FAM43A: variants seen among roughly 807,000 people sequenced by gnomAD.
FAM43A encodes the protein protein FAM43A.
FAM43A carries 11 observed loss-of-function variants against 15.7 expected under a neutral mutation model. That is an observed-to-expected ratio of 0.70 (90% CI 0.44 to 1.16). FAM43A has a LOEUF of 1.16. Ranked by LOEUF, FAM43A falls within the 50% of genes most tolerant of loss-of-function variation. The probability of loss-of-function intolerance (pLI) is 0.00; values close to 1 mark genes in which losing one functional copy is unlikely to be tolerated. For synonymous variants in FAM43A, 319 were observed against 291.7 expected (o/e 1.09, Z -0.96); for missense variants, 573 against 620.0 (o/e 0.92, Z 0.80).
rs1484049662 is a variant in FAM43A at position 194,686,748 on chromosome 3, G to A, written c.-79G>A. On this transcript the variant is annotated 5_prime_UTR_variant, in exon 1 of 1. Transcript: ENST00000329759. The stretch of plus-strand genomic sequence containing the variant: ...GATCTTGCCCGGGCCGAGCCTGGCA[G>A]GGGCCGGTGGCTCAGCGGGCCTCGC... 1.5e-6 allele frequency: 2 copies of A among 1,301,528 alleles called. No homozygotes were observed. Among genetic ancestry groups the A allele is most frequent in the African/African-American group, 3.1e-5 (2 of 64,146 alleles). The allele number at this position is 1,301,528 out of a possible 1,614,324, so 80.6% of individuals were successfully genotyped here. A position where few individuals can be genotyped will look rare whatever the true frequency, so the allele number is the denominator to read the frequency against.
chr3:194,687,304 G>A lies in FAM43A; in HGVS notation c.478G>A (p.Glu160Lys). Residue 160 changes from glutamate (E) to lysine (K), a missense_variant, in exon 1 of 1, where the codon GAG becomes AAG. Transcript: ENST00000329759. ...PKVFAWVYRH[E>K]LKHKAVMLRC... ...GGTCTTCGCCTGGGTGTACCGGCAC[G>A]AGCTGAAGCACAAGGCCGTGATGCT... is the stretch of plus-strand genomic sequence containing the variant. 10 of 1,563,988 alleles carry A rather than the reference G, an allele frequency of 6.4e-6. No homozygotes were observed. Among genetic ancestry groups the A allele is most frequent in the Non-Finnish European group, 8.6e-6 (10 of 1,161,896 alleles).
rs887745829 is a variant in FAM43A, at chr3:194,687,339, C to T, written c.513C>T (p.His171=). ...ACAAGGCCGTGATGCTGCGCTGCCA[C>T]GCCGTGCTGGTGTCCAAGCCCGAAA... The part of the protein sequence containing the change: ...LKHKAVMLRC[H]AVLVSKPEKA... The change falls in exon 1 of 1, where the codon CAC becomes CAT. Residue 171 remains histidine, a synonymous_variant. Transcript: ENST00000329759. 1 of 1,543,644 alleles carries T rather than the reference C, an allele frequency of 6.5e-7. No homozygotes were observed. Among genetic ancestry groups the T allele is most frequent in the Non-Finnish European group, 8.7e-7 (1 of 1,150,246 alleles).
rs1719478660 is a variant in FAM43A, at chr3:194,688,396, G to T, written c.*298G>T. ...GGATGCGGGTGAGGGAAGGTTGGCT[G>T]AAGTTCCTAGTCTCAGGCCGTAGGT... On this transcript the variant is annotated 3_prime_UTR_variant, in exon 1 of 1. Coordinates refer to ENST00000329759, the MANE Select transcript of FAM43A (RefSeq NM_153690.5). The T allele has an allele frequency of 6.3e-6, 2 of 318,658 alleles. No individual in the cohort carries two copies. The highest frequency in any genetic ancestry group is 1.2e-5 in the Non-Finnish European group (2 of 166,912). The allele number at this position is 318,658 out of a possible 1,614,324, so 19.7% of individuals were successfully genotyped here. A position where few individuals can be genotyped will look rare whatever the true frequency, so the allele number is the denominator to read the frequency against.
In FAM43A at chr3:194,686,884, G is replaced by C; in HGVS notation, c.58G>C (p.Ala20Pro). 6.2e-7 allele frequency: 1 copy of C among 1,601,354 alleles called. No homozygotes were observed. Among genetic ancestry groups the C allele is most frequent in the Non-Finnish European group, 8.5e-7 (1 of 1,176,230 alleles). Residue 20 changes from alanine (A) to proline (P), a missense_variant, in exon 1 of 1, where the codon GCG becomes CCG. Physicochemically the swap from Ala to Pro is conservative, Grantham distance 27. Coordinates refer to ENST00000329759, the MANE Select transcript of FAM43A (RefSeq NM_153690.5). ...ELLAEAPPRQ[A>P]SKPKGYAVSL... The stretch of plus-strand genomic sequence containing the variant: ...GCTGGCCGAGGCGCCGCCGCGGCAG[G>C]CGTCCAAGCCCAAGGGCTACGCTGT...
rs376637391 is a variant in FAM43A, at chr3:194,687,939, C to G, written c.1113C>G (p.Thr371=). 1.4e-6 allele frequency: 2 copies of G among 1,440,820 alleles called. No homozygotes were observed. Among genetic ancestry groups the G allele is most frequent in the Non-Finnish European group, 1.8e-6 (2 of 1,096,098 alleles). 89.3% of individuals were successfully genotyped at this position (1,440,820 alleles called of 1,614,324 possible). ...GELSFGNDVR[T]LQADLRVTRL... ...TCAGCTTCGGCAACGACGTGCGCAC[C>G]CTGCAGGCCGACTTGCGGGTGACGC... The change falls in exon 1 of 1, where the codon ACC becomes ACG. Residue 371 remains threonine, a synonymous_variant. Coordinates refer to ENST00000329759, the MANE Select transcript of FAM43A (RefSeq NM_153690.5).
At position 194,687,591 on chromosome 3, in the gene FAM43A, G is replaced by A. The variant is rs1450463726; in HGVS notation, c.765G>A (p.Glu255=). ...RSAPKLGSIT[E]DLLGEQLEQE... ...CGCCCAAGCTTGGCTCCATCACCGA[G>A]GACCTGCTCGGCGAACAGCTGGAGC... The change falls in exon 1 of 1, where the codon GAG becomes GAA. Residue 255 remains glutamate, a synonymous_variant. Transcript: ENST00000329759. 3 of 1,581,236 alleles carry A rather than the reference G, an allele frequency of 1.9e-6. No homozygotes were observed. Among genetic ancestry groups the A allele is most frequent in the Admixed American group, 3.6e-5 (2 of 55,516 alleles).
chr3:194,686,800 C>G lies in FAM43A; in HGVS notation c.-27C>G, dbSNP rs557555234. 6 of 1,456,464 alleles carry G rather than the reference C, an allele frequency of 4.1e-6. No homozygotes were observed. The East Asian group carries it at 1.7e-4, about 40-fold the overall frequency. The allele number at this position is 1,456,464 out of a possible 1,614,324, so 90.2% of individuals were successfully genotyped here. ...CCCGGCGCTCCGCCGCCGCCGCCGCCCAGCTGCGCCGGGGCGCCCTCCGGA... is the reference window on the plus strand; with the variant it reads ...CCCGGCGCTCCGCCGCCGCCGCCGCGCAGCTGCGCCGGGGCGCCCTCCGGA... On this transcript the variant is annotated 5_prime_UTR_variant, in exon 1 of 1. Coordinates refer to ENST00000329759, the MANE Select transcript of FAM43A (RefSeq NM_153690.5).
Position 194,688,145 on chromosome 3 carries a change from G to A in FAM43A, c.*47G>A. ...GCTCCACCGTGGCTACCCATCCGTG[G>A]TCCCGACAACCTCCCTGTCCCTTGC... On this transcript the variant is annotated 3_prime_UTR_variant, in exon 1 of 1. Transcript: ENST00000329759. The A allele has an allele frequency of 1.5e-6, 2 of 1,306,132 alleles. No individual in the cohort carries two copies. Among genetic ancestry groups the A allele is most frequent in the Non-Finnish European group, 9.8e-7 (1 of 1,020,984 alleles). 80.9% of individuals were successfully genotyped at this position (1,306,132 alleles called of 1,614,324 possible).
chr3:194,687,202 C>A lies in FAM43A; in HGVS notation c.376C>A (p.Arg126Ser), dbSNP rs561543874. The stretch of plus-strand genomic sequence containing the variant: ...TATCCGCATGGTGCACGCCGAGGAG[C>A]GCGCGCTGCGCCGCCCGGGCCACCT... ...QGIRMVHAEERALRRPGHLYL... is the reference protein window; with the variant it reads ...QGIRMVHAEESALRRPGHLYL... The change falls in exon 1 of 1, where the codon CGC becomes AGC. Residue 126 changes from arginine (R) to serine (S), a missense_variant. By Grantham distance (110) the Arg-to-Ser change is moderately radical. Transcript: ENST00000329759. The A allele has an allele frequency of 6.2e-7, 1 of 1,605,934 alleles. No individual in the cohort carries two copies. Among genetic ancestry groups the A allele is most frequent in the Non-Finnish European group, 8.5e-7 (1 of 1,179,300 alleles).
At position 194,687,788 on chromosome 3, in the gene FAM43A, G is replaced by A; in HGVS notation, c.962G>A (p.Arg321His). The A allele has an allele frequency of 6.8e-7, 1 of 1,473,002 alleles. No homozygotes were observed. Among genetic ancestry groups the A allele is most frequent in the African/African-American group, 1.4e-5 (1 of 70,900 alleles). The allele number at this position is 1,473,002 out of a possible 1,614,324, so 91.2% of individuals were successfully genotyped here. ...TTGTTGGATACTCTGGAGAATGGCC[G>A]TGGGGAGGCGCTAGGAGGCGGCGGG... is the stretch of plus-strand genomic sequence containing the variant. The part of the protein sequence containing the change: ...GDLLDTLENG[R>H]GEALGGGGGS... The change falls in exon 1 of 1, where the codon CGT becomes CAT. Residue 321 changes from arginine (R) to histidine (H), a missense_variant. By Grantham distance (29) the Arg-to-His change is conservative (BLOSUM62 0). Coordinates refer to ENST00000329759, the MANE Select transcript of FAM43A (RefSeq NM_153690.5).
chr3:194,686,794 C>A lies in FAM43A; in HGVS notation c.-33C>A. The A allele has an allele frequency of 7.0e-7, 1 of 1,424,308 alleles. No homozygotes were observed. The highest frequency in any genetic ancestry group is 9.1e-7 in the Non-Finnish European group (1 of 1,103,182). 88.2% of individuals were successfully genotyped at this position (1,424,308 alleles called of 1,614,324 possible). On this transcript the variant is annotated 5_prime_UTR_variant, in exon 1 of 1. Transcript: ENST00000329759. ...CTCGCACCCGGCGCTCCGCCGCCGC[C>A]GCCGCCCAGCTGCGCCGGGGCGCCC...
rs1459120506 is a variant in FAM43A at position 194,687,230 on chromosome 3, A to G, written c.404A>G (p.Tyr135Cys). Residue 135 changes from tyrosine to cysteine, a missense_variant, in exon 1 of 1, where the codon TAC (tyrosine) becomes TGC (cysteine). Physicochemically the swap from Tyr to Cys is radical, Grantham distance 194. Coordinates refer to ENST00000329759, the MANE Select transcript of FAM43A (RefSeq NM_153690.5). ...GCGCTGCGCCGCCCGGGCCACCTCTACCTGCTGCACCGCGTCACCTACTGC... is the reference window on the plus strand; with the variant it reads ...GCGCTGCGCCGCCCGGGCCACCTCTGCCTGCTGCACCGCGTCACCTACTGC... Reference protein sequence around the residue: ...ERALRRPGHLYLLHRVTYCVA... With the variant: ...ERALRRPGHLCLLHRVTYCVA... The G allele has an allele frequency of 1.1e-5, 18 of 1,601,990 alleles. No homozygotes were observed. The highest frequency in any genetic ancestry group is 1.5e-5 in the Non-Finnish European group (18 of 1,179,068).
In FAM43A at chr3:194,688,064, A is replaced by G. The variant is rs1719469727; in HGVS notation, c.1238A>G (p.Asp413Gly). 2 of 1,405,084 alleles carry G rather than the reference A, an allele frequency of 1.4e-6. No individual in the cohort carries two copies. The highest frequency in any genetic ancestry group is 3.5e-5 in the South Asian group (2 of 57,620). The allele number at this position is 1,405,084 out of a possible 1,614,324, so 87.0% of individuals were successfully genotyped here. Residue 413 changes from aspartate (D) to glycine (G), a missense_variant, in exon 1 of 1, where the codon GAC becomes GGC. Coordinates refer to ENST00000329759, the MANE Select transcript of FAM43A (RefSeq NM_153690.5). ...ATAGDSSRQADGASADEPHSG is the reference protein window; with the variant it reads ...ATAGDSSRQAGGASADEPHSG ...GCCGGGGACTCGTCCCGCCAGGCCG[A>G]CGGCGCCAGTGCAGACGAGCCCCAC... is the stretch of plus-strand genomic sequence containing the variant.
In FAM43A at chr3:194,686,947, G is replaced by T; in HGVS notation, c.121G>T (p.Ala41Ser). ...CTCGGCGCTCAGCTCGCTGGCGCGGGCGTGCCCCGAAGGCGCGCTTAGCCG... is the reference window on the plus strand; with the variant it reads ...CTCGGCGCTCAGCTCGCTGGCGCGGTCGTGCCCCGAAGGCGCGCTTAGCCG... ...HYSALSSLAR[A>S]CPEGALSRVG... Residue 41 changes from alanine to serine, a missense_variant, in exon 1 of 1, where the codon GCG (alanine) becomes TCG (serine). Coordinates refer to ENST00000329759, the MANE Select transcript of FAM43A (RefSeq NM_153690.5). 6.2e-7 allele frequency: 1 copy of T among 1,610,358 alleles called. No individual in the cohort carries two copies. Among genetic ancestry groups the T allele is most frequent in the East Asian group, 2.2e-5 (1 of 44,782 alleles).
At position 194,688,331 on chromosome 3, in the gene FAM43A, G is replaced by T; in HGVS notation, c.*233G>T. The T allele has an allele frequency of 2.3e-6, 1 of 439,174 alleles. No homozygotes were observed. The highest frequency in any genetic ancestry group is 3.9e-6 in the Non-Finnish European group (1 of 253,982). 27.2% of individuals were successfully genotyped at this position (439,174 alleles called of 1,614,324 possible). A position where few individuals can be genotyped will look rare whatever the true frequency, so the allele number is the denominator to read the frequency against. On this transcript the variant is annotated 3_prime_UTR_variant, in exon 1 of 1. Coordinates refer to ENST00000329759, the MANE Select transcript of FAM43A (RefSeq NM_153690.5). Reference sequence around the variant, plus strand: ...GTGGGGATGCGGGGAGATTTGAGAGGGGAAAACCCCGCCAGGAGGGAGAGA... The same window carrying T: ...GTGGGGATGCGGGGAGATTTGAGAGTGGAAAACCCCGCCAGGAGGGAGAGA...
chr3:194,688,163 T>G lies in FAM43A; in HGVS notation c.*65T>G. 1 of 1,271,690 alleles carries G rather than the reference T, an allele frequency of 7.9e-7. No homozygotes were observed. Among genetic ancestry groups the G allele is most frequent in the Non-Finnish European group, 1.0e-6 (1 of 1,001,002 alleles). The allele number at this position is 1,271,690 out of a possible 1,614,324, so 78.8% of individuals were successfully genotyped here. On this transcript the variant is annotated 3_prime_UTR_variant, in exon 1 of 1. Coordinates refer to ENST00000329759, the MANE Select transcript of FAM43A (RefSeq NM_153690.5). ...ATCCGTGGTCCCGACAACCTCCCTG[T>G]CCCTTGCCCGCCCCCAGGAAGGGGG...
Position 194,688,751 on chromosome 3 carries a change from T to C in FAM43A, c.*653T>C, listed in dbSNP as rs1424388291. 1 of 167,030 alleles carries C rather than the reference T, an allele frequency of 6.0e-6. No homozygotes were observed. The highest frequency in any genetic ancestry group is 2.4e-5 in the African/African-American group (1 of 41,450). The allele number at this position is 167,030 out of a possible 1,614,324, so 10.3% of individuals were successfully genotyped here. The stretch of plus-strand genomic sequence containing the variant: ...CCAATATCTTAAAAAGGAGTTTTCC[T>C]TTAGAAACACACACACCCTTCCTCT... On this transcript the variant is annotated 3_prime_UTR_variant, in exon 1 of 1. Transcript: ENST00000329759.
rs1231170668 is a variant in FAM43A, at chr3:194,688,383, G to A, written c.*285G>A. On this transcript the variant is annotated 3_prime_UTR_variant, in exon 1 of 1. Transcript: ENST00000329759. ...AGGCACCCCTCTGGGATGCGGGTGA[G>A]GGAAGGTTGGCTGAAGTTCCTAGTC... 8.8e-6 allele frequency: 3 copies of A among 342,700 alleles called. No individual in the cohort carries two copies. In the East Asian group the frequency reaches 1.4e-4, roughly 16 times the overall value. The allele number at this position is 342,700 out of a possible 1,614,324, so 21.2% of individuals were successfully genotyped here.
chr3:194,687,633 A>C lies in FAM43A; in HGVS notation c.807A>C (p.Glu269Asp), dbSNP rs146678404. Residue 269 changes from glutamate (E) to aspartate (D), a missense_variant, in exon 1 of 1, where the codon GAA (glutamate) becomes GAC (aspartate). Glu to Asp is a conservative substitution (Grantham distance 45, BLOSUM62 2). Coordinates refer to ENST00000329759, the MANE Select transcript of FAM43A (RefSeq NM_153690.5). Reference sequence around the variant, plus strand: ...AGCTGGAGCAGGAGCTGCAGGAGGAAGAGGAAGAGGAGCAACCCGAGGGCT... The same window carrying C: ...AGCTGGAGCAGGAGCTGCAGGAGGACGAGGAAGAGGAGCAACCCGAGGGCT... ...GEQLEQELQE[E>D]EEEEQPEGCP... is the part of the protein sequence containing the mutation. The C allele has an allele frequency of 6.4e-7, 1 of 1,564,748 alleles. No individual in the cohort carries two copies. Among genetic ancestry groups the C allele is most frequent in the Middle Eastern group, 1.7e-4 (1 of 5,806 alleles).
Sources: gnomAD v4.1 joint callset for allele counts on GRCh38, gnomAD v4.1.1 for gene constraint, MANE v1.5 for transcripts, NCBI Gene and HGNC (gene_info 2026-07-23, HGNC 2026-07-21) for gene names.